Variants in R3HDM2 observed in about 807,000 individuals in gnomAD.
The protein encoded by R3HDM2 is R3H domain-containing protein 2.
A neutral mutation model predicts 124.5 loss-of-function variants in R3HDM2; 38 were observed. The observed-to-expected ratio is 0.31, with a 90% CI of 0.24 to 0.40. The LOEUF (loss-of-function observed/expected upper bound fraction) is 0.40. Ranked by LOEUF, R3HDM2 falls within the 10% of genes least tolerant of loss-of-function variation. R3HDM2 has a pLI of 1.00. For missense variants in R3HDM2, 869 were observed against 1,236.9 expected, an observed-to-expected ratio of 0.70 and a Z score of 4.46; for synonymous variants, 391 against 448.0, an observed-to-expected ratio of 0.87 and a Z score of 1.61.
chr12:57,348,710 A>G (rs2060315325), intron 2 of R3HDM2, among the ~76,000 whole-genome samples: 1 of 55,818 alleles, frequency 1.8e-5, no homozygotes, highest in African/African-American at 4.1e-5. Context: ...AAAAAAAAAA[A>G]AAAAAAAAAA....
chr12:57,322,216 A>AAAAC (rs535376630), intron 2 of R3HDM2, among the ~76,000 whole-genome samples: 5 of 152,202 alleles, frequency 3.3e-5, no homozygotes, highest in Admixed American at 6.5e-5. Context: ...ACTCCATCTC[A>AAAAC]AAACAAACAA....
intron 14 of R3HDM2, among the ~76,000 whole-genome samples, chr12:57,271,418 T>A (rs2043555429): frequency 6.6e-6 from 1 of 150,706 alleles, no homozygotes; most frequent in Admixed American, 6.7e-5. Flanking sequence ...CCTTTTCCCT[T>A]CTGCTCCCTG....
At chr12:57,273,456 GAGA>G (rs1485540566) in intron 14 of R3HDM2, among the ~76,000 whole-genome samples, 1 of 152,158 alleles carries the variant, frequency 6.6e-6, no homozygotes, top group Non-Finnish European at 1.5e-5. Flanking sequence ...GGAGAGATGA[GAGA>G]AGGAGAGAGG....
intron 2 of R3HDM2, among the ~76,000 whole-genome samples, chr12:57,322,953 C>A (rs1310856502): frequency 6.6e-6 from 1 of 152,124 alleles, no homozygotes; most frequent in Non-Finnish European, 1.5e-5. Context: ...TCTCATCTTT[C>A]CCCTCAACCT....
chr12:57,424,139 A>AG (rs71084753), intron 1 of R3HDM2, among the ~76,000 whole-genome samples: 2 of 140,610 alleles, frequency 1.4e-5, no homozygotes, highest in Non-Finnish European at 3.1e-5. Context: ...AAAAAAAAAA[A>AG]GGAACAAAGA....
intron 2 of R3HDM2, among the ~76,000 whole-genome samples, chr12:57,323,162 C>T (rs2056733988): frequency 1.3e-5 from 2 of 152,208 alleles, no homozygotes; most frequent in South Asian, 4.1e-4. Flanking sequence ...TCCAGGTCTA[C>T]TTGGTTCCAA....
chr12:57,297,990 C>A, intron 7 of R3HDM2, 100 bp downstream of exon 7: 1 of 804,104 alleles, frequency 1.2e-6, no homozygotes, highest in Non-Finnish European at 2.1e-6. Flanking sequence ...AGATGAGCAT[C>A]CTAGATTCTA....
intron 1 of R3HDM2, among the ~76,000 whole-genome samples, chr12:57,400,721 T>G (rs1488201179): frequency 6.6e-6 from 1 of 152,104 alleles, no homozygotes; most frequent in Non-Finnish European, 1.5e-5. Context: ...CATATGTATA[T>G]TTCAGGTCAA....
intron 10 of R3HDM2, 43 bp downstream of exon 10, chr12:57,295,356 A>T: frequency 7.4e-7 from 1 of 1,350,112 alleles, no homozygotes; most frequent in Non-Finnish European, 1.0e-6. Context: ...AGTTTCTCTT[A>T]CTGCAAACTC....
intron 19 of R3HDM2, among the ~76,000 whole-genome samples, chr12:57,262,159 T>C (rs1282977406): frequency 6.6e-6 from 1 of 152,182 alleles, no homozygotes; most frequent in African/African-American, 2.4e-5. Context: ...AATTAAAAGA[T>C]AGAATCCAAT....
At chr12:57,398,193 G>A (rs560475502) in intron 1 of R3HDM2, among the ~76,000 whole-genome samples, 3 of 149,120 alleles carry the variant, frequency 2.0e-5, no homozygotes, top group Non-Finnish European at 1.5e-5. Flanking sequence ...GCAAAAGAGC[G>A]AGACTCTGCC....
intron 19 of R3HDM2, among the ~76,000 whole-genome samples, chr12:57,262,619 A>G (rs2041170834): frequency 6.6e-6 from 1 of 152,206 alleles, no homozygotes; most frequent in African/African-American, 2.4e-5. Context: ...AAAAGTGACC[A>G]TGTTGCTACA....
intron 2 of R3HDM2, among the ~76,000 whole-genome samples, chr12:57,356,222 A>G (rs1394965933): frequency 6.6e-6 from 1 of 152,104 alleles, no homozygotes; most frequent in African/African-American, 2.4e-5. Context: ...CCCTCTATCC[A>G]ATTGAAGACA....
At chr12:57,354,832 A>G (rs189005909) in intron 2 of R3HDM2, among the ~76,000 whole-genome samples, 2 of 152,088 alleles carry the variant, frequency 1.3e-5, no homozygotes, top group East Asian at 3.9e-4. Flanking sequence ...TTAAAAAAGA[A>G]TTTTATTTTC....
chr12:57,271,437 T>TACACAC (rs34695167), intron 14 of R3HDM2, among the ~76,000 whole-genome samples: 4,770 of 149,496 alleles, frequency 0.032, 247 homozygotes, highest in African/African-American at 0.11. Context: ...TGGACAGTAA[T>TACACAC]ACACACACAC....
chr12:57,273,035 C>A (rs764365346), intron 14 of R3HDM2, among the ~76,000 whole-genome samples: 9 of 152,202 alleles, frequency 5.9e-5, no homozygotes, highest in Non-Finnish European at 1.2e-4. Flanking sequence ...CATCCAAGGT[C>A]TGGCTCAGCT....
At position 57,423,667 on chromosome 12, in the gene R3HDM2, C is replaced by T. The variant is rs1256053018; in HGVS notation, c.-106+7053G>A. Among the ~76,000 whole-genome samples the T allele has an allele frequency of 2.0e-5, 3 of 151,246 alleles. No individual in the cohort carries two copies. In the East Asian group the frequency reaches 5.9e-4, roughly 30 times the overall value. ...TCTCTACTAAAAATACAAAAATTAG[C>T]CAGACGTGGTGGCGGGCACCTGTAA... On this transcript the variant is annotated intron_variant, in intron 1 of 23. Transcript: ENST00000402412.
chr12:57,277,441 A>ATT (rs34853640), intron 14 of R3HDM2, among the ~76,000 whole-genome samples: 4 of 141,002 alleles, frequency 2.8e-5, no homozygotes, highest in Non-Finnish European at 4.7e-5. Context: ...TTCCTCAAAG[A>ATT]TTTTTTTTTT....
At chr12:57,281,755 G>C (rs1454861128) in intron 13 of R3HDM2, among the ~76,000 whole-genome samples, 9 of 152,066 alleles carry the variant, frequency 5.9e-5, no homozygotes, top group African/African-American at 1.9e-4. Context: ...CAGAGTGCTA[G>C]AATTACAGGT....
Sources: gnomAD v4.1 joint callset for allele counts (sites outside exome capture counted in the v4.1 genomes callset) on GRCh38, gnomAD v4.1.1 for gene constraint, MANE v1.5 for transcripts, NCBI Gene and HGNC (gene_info 2026-07-23, HGNC 2026-07-21) for gene names.